Variants in RBFOX1 observed in about 807,000 individuals in gnomAD.
RBFOX1 encodes the protein RNA binding protein fox-1 homolog 1.
Under a neutral mutation model 57.7 loss-of-function variants are expected in RBFOX1, and 8 were observed. The observed-to-expected ratio is 0.14, with a 90% CI of 0.08 to 0.25. The LOEUF (loss-of-function observed/expected upper bound fraction) is 0.25, where lower values mean the gene tolerates loss of function less well. Ranked by LOEUF, RBFOX1 falls within the 10% of genes least tolerant of loss-of-function variation. RBFOX1 has a pLI of 1.00. For synonymous variants in RBFOX1, 326 were observed against 222.4 expected (o/e 1.47, Z -4.15); for missense variants, 611 against 548.5 (o/e 1.11, Z -1.14).
At chr16:5,749,561 G>A (rs181541208) in intron 3 of RBFOX1, among the ~76,000 whole-genome samples, 3,144 of 152,170 alleles carry the variant, frequency 0.021, 42 homozygotes, top group Non-Finnish European at 0.034. Context: ...GGCTTTGTTC[G>A]TTTCTTTTTA....
intron 3 of RBFOX1, among the ~76,000 whole-genome samples, chr16:6,661,532 A>T (rs2098701572): frequency 6.6e-6 from 1 of 152,178 alleles, no homozygotes; most frequent in Admixed American, 6.5e-5. Context: ...TCTTTACTGT[A>T]TGGGGCCAGA....
chr16:7,189,864 T>A (rs951861375), intron 4 of RBFOX1, among the ~76,000 whole-genome samples: 1 of 152,246 alleles, frequency 6.6e-6, no homozygotes, highest in Non-Finnish European at 1.5e-5. Context: ...ATCGCCTTTA[T>A]GTCTGCAATA....
Position 7,548,822 on chromosome 16 carries a change from A to G in RBFOX1, c.270+30433A>G, listed in dbSNP as rs577008604. 5.3e-5 allele frequency among the ~76,000 whole-genome samples: 8 copies of G among 152,336 alleles called. 1 individual carries two copies. Among genetic ancestry groups the G allele is most frequent in the Admixed American group, 1.3e-4 (2 of 15,306 alleles). On this transcript the variant is annotated intron_variant, in intron 5 of 15. Coordinates refer to ENST00000550418, the MANE Select transcript of RBFOX1 (RefSeq NM_018723.4). ...TACTGACTGGTAGAAATCAGAGAGG[A>G]AATTCCAGGCATGATGGCATGTTCC...
intron 1 of RBFOX1, among the ~76,000 whole-genome samples, chr16:5,429,884 G>A (rs2067677443): frequency 6.6e-6 from 1 of 152,126 alleles, no homozygotes; most frequent in African/African-American, 2.4e-5. Flanking sequence ...CCAAATACCT[G>A]CCCTCCTGAA....
At chr16:6,567,910 TG>T (rs1567712365) in intron 2 of RBFOX1, among the ~76,000 whole-genome samples, 1 of 152,120 alleles carries the variant, frequency 6.6e-6, no homozygotes, top group Admixed American at 6.6e-5. Flanking sequence ...AGCCTTGAAC[TG>T]CCAGGCTCAA....
At chr16:5,943,050 C>A (rs2059313158) in intron 4 of RBFOX1, among the ~76,000 whole-genome samples, 1 of 152,184 alleles carries the variant, frequency 6.6e-6, no homozygotes, top group Non-Finnish European at 1.5e-5. Context: ...CCCCACTGTT[C>A]TCAAGCCTTT....
At chr16:7,393,316 C>A (rs558628791) in intron 4 of RBFOX1, among the ~76,000 whole-genome samples, 1 of 152,280 alleles carries the variant, frequency 6.6e-6, no homozygotes, top group Middle Eastern at 3.4e-3. Flanking sequence ...AGATGGGGTA[C>A]TTGATTGGCA....
At chr16:6,860,435 G>A (rs990508120) in intron 3 of RBFOX1, among the ~76,000 whole-genome samples, 1 of 152,148 alleles carries the variant, frequency 6.6e-6, no homozygotes, top group African/African-American at 2.4e-5. Context: ...GCTAAGACGC[G>A]GGGGCAGCGG....
intron 3 of RBFOX1, among the ~76,000 whole-genome samples, chr16:5,716,220 T>G (rs1472153868): frequency 3.3e-5 from 5 of 152,194 alleles, no homozygotes; most frequent in East Asian, 3.9e-4. Context: ...TGAAAGTAAT[T>G]TTTTTCCATT....
chr16:7,009,733 A>G (rs1266233332), intron 3 of RBFOX1, among the ~76,000 whole-genome samples: 2 of 152,198 alleles, frequency 1.3e-5, no homozygotes, highest in Non-Finnish European at 2.9e-5. Flanking sequence ...GCCTGATACC[A>G]CAGTAGTTCT....
chr16:6,000,052 G>A (rs1596376167), intron 4 of RBFOX1, among the ~76,000 whole-genome samples: 1 of 152,056 alleles, frequency 6.6e-6, no homozygotes, highest in South Asian at 2.1e-4. Flanking sequence ...TGGGATGACT[G>A]TACCTTGCAG....
chr16:6,049,461 T>C (rs2095529840), intron 1 of RBFOX1, among the ~76,000 whole-genome samples: 1 of 152,216 alleles, frequency 6.6e-6, no homozygotes, highest in South Asian at 2.1e-4. Flanking sequence ...ACATATGCCC[T>C]GGCCACTCTC....
At chr16:5,321,898 G>A (rs1244019026) in intron 1 of RBFOX1, among the ~76,000 whole-genome samples, 2 of 152,134 alleles carry the variant, frequency 1.3e-5, no homozygotes, top group Admixed American at 6.5e-5. Context: ...ACACCTTGCT[G>A]CACGGCCTTA....
intron 2 of RBFOX1, among the ~76,000 whole-genome samples, chr16:6,520,760 C>T (rs1183127258): frequency 6.6e-6 from 1 of 152,110 alleles, no homozygotes; most frequent in Admixed American, 6.6e-5. Flanking sequence ...AAGTGCCAGT[C>T]CCTTGATTTG....
At chr16:7,480,476 T>C (rs1030045481) in intron 4 of RBFOX1, among the ~76,000 whole-genome samples, 2 of 152,214 alleles carry the variant, frequency 1.3e-5, no homozygotes, top group Admixed American at 6.5e-5. Context: ...AAATGTGTAA[T>C]AGAATTATTA....
At chr16:6,574,998 A>G (rs1487229090) in intron 2 of RBFOX1, among the ~76,000 whole-genome samples, 1 of 150,198 alleles carries the variant, frequency 6.7e-6, no homozygotes, top group Non-Finnish European at 1.5e-5. Flanking sequence ...AGATGGCACC[A>G]CTGCACTCCA....
At chr16:7,064,886 G>T (rs540916058) in intron 4 of RBFOX1, among the ~76,000 whole-genome samples, 2 of 152,108 alleles carry the variant, frequency 1.3e-5, no homozygotes, top group Non-Finnish European at 2.9e-5. Context: ...ACTAGCTGTG[G>T]TATGATACTC....
chr16:7,119,902 T>C (rs564708246), intron 4 of RBFOX1, among the ~76,000 whole-genome samples: 1 of 152,260 alleles, frequency 6.6e-6, no homozygotes, highest in African/African-American at 2.4e-5. Context: ...AGGATGTCCG[T>C]TCTGTTCAAG....
At chr16:6,514,903 A>G (rs1270570576) in intron 2 of RBFOX1, among the ~76,000 whole-genome samples, 1 of 152,090 alleles carries the variant, frequency 6.6e-6, no homozygotes, top group Admixed American at 6.6e-5. Flanking sequence ...AGGAGAAAAA[A>G]GAGGGAGAGA....
Sources: allele counts gnomAD v4.1 joint callset (sites outside exome capture counted in the v4.1 genomes callset), GRCh38; gene constraint gnomAD v4.1.1; transcripts MANE v1.5; gene names NCBI Gene and HGNC (gene_info 2026-07-23, HGNC 2026-07-21).